The following NT5DC3 variants were observed in gnomAD, a reference collection of about 807,000 sequenced individuals.
NT5DC3 encodes the protein 5'-nucleotidase domain-containing protein 3.
NT5DC3 carries 42 observed loss-of-function variants against 67.8 expected under a neutral mutation model. The ratio of observed to expected loss-of-function variants is 0.62; its 90% CI spans 0.48 to 0.80. NT5DC3 has a LOEUF of 0.80. NT5DC3 is among the 30% of genes least tolerant of loss of function. NT5DC3 has a pLI of 0.00. For missense variants in NT5DC3, 570 were observed against 696.4 expected (o/e 0.82, Z 2.04); for synonymous variants, 237 against 255.6 (o/e 0.93, Z 0.69).
At chr12:103,816,477 T>C (rs1452173817) in intron 1 of NT5DC3, among the ~76,000 whole-genome samples, 1 of 152,254 alleles carries the variant, frequency 6.6e-6, no homozygotes, top group East Asian at 1.9e-4. Context: ...TCAGATGATT[T>C]CCTTCAGATG....
At chr12:103,762,357 C>A in the NT5DC3 span, 3 of 1,614,210 alleles carry the variant, frequency 1.9e-6, no homozygotes, top group Non-Finnish European at 2.5e-6. Context: ...CTGCTTACTC[C>A]TACTTTCGGA....
Position 103,788,883 on chromosome 12 carries a change from G to C in NT5DC3, c.1056C>G (p.Leu352=), listed in dbSNP as rs1885912778. ...TCTGCAACTTATGGATTTTATCCCA[G>C]AGTAAGACACCTTTCTCATTCATCT... The part of the protein sequence containing the change: ...FRKMNEKGVL[L]WDKIHKLQKG... The change falls in exon 10 of 14, where the codon CTC becomes CTG. Residue 352 remains leucine (L), a synonymous_variant. Transcript: ENST00000392876. 1 of 1,613,428 alleles carries C rather than the reference G, an allele frequency of 6.2e-7. No homozygotes were observed. The highest frequency in any genetic ancestry group is 1.1e-5 in the South Asian group (1 of 91,066).
At chr12:103,790,933 C>T (rs969739467) in intron 9 of NT5DC3, among the ~76,000 whole-genome samples, 3 of 151,908 alleles carry the variant, frequency 2.0e-5, no homozygotes, top group Non-Finnish European at 4.4e-5. Flanking sequence ...TTGTGATCCG[C>T]CCGCCTCAGC....
intron 1 of NT5DC3, among the ~76,000 whole-genome samples, chr12:103,823,873 G>C (rs116675790): frequency 0.016 from 2,469 of 152,156 alleles, 61 homozygotes; most frequent in African/African-American, 0.057. Context: ...ATCCCTAACT[G>C]CCAGTGAAAA....
chr12:103,796,450 C>T (rs1030539529), intron 6 of NT5DC3, among the ~76,000 whole-genome samples: 2 of 151,970 alleles, frequency 1.3e-5, no homozygotes, highest in Non-Finnish European at 2.9e-5. Context: ...CCGGGAGGCC[C>T]GGGAGGCAGA....
chr12:103,765,071 A>G, the NT5DC3 span, among the ~76,000 whole-genome samples: 1 of 128,328 alleles, frequency 7.8e-6, no homozygotes, highest in Admixed American at 8.8e-5. Context: ...TGGGCAGCAG[A>G]GCAAGACTCT....
chr12:103,787,847 G>A (rs1459792398), intron 10 of NT5DC3, among the ~76,000 whole-genome samples: 1 of 151,522 alleles, frequency 6.6e-6, no homozygotes, highest in Non-Finnish European at 1.5e-5. Context: ...CCCTGATGTT[G>A]GACAGCTGAC....
the NT5DC3 span, among the ~76,000 whole-genome samples, chr12:103,764,669 T>C: frequency 0.47 from 70,948 of 152,094 alleles, 17,511 homozygotes; most frequent in East Asian, 0.88. Flanking sequence ...CCAAAGTAAA[T>C]CAAGGTAAAT....
chr12:103,829,953 C>T (rs768784957), intron 1 of NT5DC3, among the ~76,000 whole-genome samples: 2 of 151,994 alleles, frequency 1.3e-5, no homozygotes, highest in Non-Finnish European at 2.9e-5. Flanking sequence ...TCTAAATTGA[C>T]ATTTTTCTCT....
rs756475172 is a variant in NT5DC3, at chr12:103,815,033, A to G, written c.297T>C (p.Tyr99=). ...NEMSLSDIEI[Y]GFDYDYTLVF... is the part of the protein sequence containing the mutation. The stretch of plus-strand genomic sequence containing the variant: ...CCAAGGTGTAATCATAATCGAAGCC[A>G]TAGATTTCAATGTCTGACAGGCTCA... The change falls in exon 2 of 14, where the codon TAT becomes TAC. Residue 99 remains tyrosine (Y), a synonymous_variant. Transcript: ENST00000392876. The G allele has an allele frequency of 1.2e-6, 2 of 1,613,728 alleles. No homozygotes were observed. The highest frequency in any genetic ancestry group is 2.2e-5 in the South Asian group (2 of 91,046).
intron 12 of NT5DC3, among the ~76,000 whole-genome samples, chr12:103,782,923 C>T (rs1449194578): frequency 6.6e-6 from 1 of 151,934 alleles, no homozygotes; most frequent in Non-Finnish European, 1.5e-5. Context: ...GAGGTGAAGG[C>T]TGCAGTGAGC....
At chr12:103,796,751 T>C in intron 6 of NT5DC3, 143 bp downstream of exon 6, 1 of 782,134 alleles carries the variant, frequency 1.3e-6, no homozygotes, top group Non-Finnish European at 2.1e-6. Flanking sequence ...TCTTGTAATG[T>C]TCAAGGTTAA....
intron 4 of NT5DC3, among the ~76,000 whole-genome samples, chr12:103,802,835 G>A (rs536350870): frequency 1.6e-4 from 24 of 152,140 alleles, no homozygotes; most frequent in Non-Finnish European, 2.6e-4. Flanking sequence ...AAGAGGAAGC[G>A]AAGAGTTTAA....
chr12:103,834,270 CT>C (rs1888052930), intron 1 of NT5DC3, among the ~76,000 whole-genome samples: 1 of 152,168 alleles, frequency 6.6e-6, no homozygotes, highest in African/African-American at 2.4e-5. Flanking sequence ...TATAAAGAAG[CT>C]TTTCTTGAGC....
At chr12:103,820,632 T>C (rs1887453424) in intron 1 of NT5DC3, among the ~76,000 whole-genome samples, 1 of 152,190 alleles carries the variant, frequency 6.6e-6, no homozygotes, top group African/African-American at 2.4e-5. Context: ...GAGCAGTGTG[T>C]GGAGACAACA....
At chr12:103,748,546 CTA>C in the NT5DC3 span, among the ~76,000 whole-genome samples, 1 of 151,150 alleles carries the variant, frequency 6.6e-6, no homozygotes, top group Admixed American at 6.6e-5. Flanking sequence ...ACAACAATGT[CTA>C]TCTCACAGGG....
the NT5DC3 span, chr12:103,746,584 CCTTT>C: frequency 8.7e-6 from 14 of 1,613,166 alleles, no homozygotes; most frequent in African/African-American, 1.5e-4. Flanking sequence ...GAAAGTGGCC[CCTTT>C]CTTTGCAGTT....
the NT5DC3 span, among the ~76,000 whole-genome samples, chr12:103,760,040 G>C: frequency 3.9e-5 from 6 of 152,180 alleles, no homozygotes; most frequent in Admixed American, 3.3e-4. Context: ...AAGATAAGGA[G>C]TATTTCAGTA....
chr12:103,785,446 A>G lies in NT5DC3; in HGVS notation c.1218T>C (p.Thr406=), dbSNP rs764469185. The G allele has an allele frequency of 1.2e-6, 2 of 1,614,170 alleles. No homozygotes were observed. The highest frequency in any genetic ancestry group is 3.3e-5 in the Admixed American group (2 of 60,026). The change falls in exon 12 of 14, where the codon ACT becomes ACC. Residue 406 remains threonine, a synonymous_variant. Transcript: ENST00000392876. ...ATCTCAACTCTGGGATGATTGCACCAGTCCTCCAGCCATGCTTTAGGGTCA... is the reference window on the plus strand; with the variant it reads ...ATCTCAACTCTGGGATGATTGCACCGGTCCTCCAGCCATGCTTTAGGGTCA... ...ADLTLKHGWR[T]GAIIPELRSE... is the part of the protein sequence containing the mutation.
Sources: gnomAD v4.1 joint callset for allele counts (sites outside exome capture counted in the v4.1 genomes callset) on GRCh38, gnomAD v4.1.1 for gene constraint, MANE v1.5 for transcripts, NCBI Gene and HGNC (gene_info 2026-07-23, HGNC 2026-07-21) for gene names.